The following MPPED2 variants were observed in gnomAD, a reference collection of about 807,000 sequenced individuals.
MPPED2 encodes metallophosphoesterase MPPED2.
MPPED2 carries 5 observed loss-of-function variants against 33.0 expected under a neutral mutation model. The ratio of observed to expected loss-of-function variants is 0.15; its 90% CI spans 0.08 to 0.32. The LOEUF (loss-of-function observed/expected upper bound fraction) is 0.32. Ranked by LOEUF, MPPED2 falls within the 10% of genes least tolerant of loss-of-function variation. The pLI is 1.00. For synonymous variants in MPPED2, 136 were observed against 141.9 expected, an observed-to-expected ratio of 0.96 and a Z score of 0.29; for missense variants, 275 against 372.1, an observed-to-expected ratio of 0.74 and a Z score of 2.15.
intron 6 of MPPED2, among the ~76,000 whole-genome samples, chr11:30,404,388 A>G (rs1305898868): frequency 6.6e-6 from 1 of 152,262 alleles, no homozygotes; most frequent in Non-Finnish European, 1.5e-5. Context: ...CATTTCGTCA[A>G]TGGCATGCCA....
intron 4 of MPPED2, among the ~76,000 whole-genome samples, chr11:30,491,878 G>A (rs1397934450): frequency 6.6e-6 from 1 of 152,148 alleles, no homozygotes; most frequent in Non-Finnish European, 1.5e-5. Context: ...GTCAACCTCT[G>A]TATTCTTGGT....
chr11:30,386,656 C>A (rs1947705694), exon 7 of MPPED2: 1 of 398,366 alleles, frequency 2.5e-6, no homozygotes, highest in Non-Finnish European at 4.4e-6. Flanking sequence ...GAATTTGGAT[C>A]CCAAATAAAT....
rs568966041 is a variant in MPPED2 at position 30,418,423 on chromosome 11, C to A, written c.537-790G>T. ...TGTCCATCCATTGAGCATTTCTGATCGGTGCTGAAAATGTCTCTACCATTT... is the reference window on the plus strand; with the variant it reads ...TGTCCATCCATTGAGCATTTCTGATAGGTGCTGAAAATGTCTCTACCATTT... On this transcript the variant is annotated intron_variant, in intron 4 of 6. Coordinates refer to ENST00000358117, the MANE Select transcript of MPPED2 (RefSeq NM_001584.3). Among the ~76,000 whole-genome samples, 5 of 152,144 alleles carry A rather than the reference C, an allele frequency of 3.3e-5. No individual in the cohort carries two copies. In the East Asian group the frequency reaches 7.7e-4, roughly 23 times the overall value.
intron 2 of MPPED2, among the ~76,000 whole-genome samples, chr11:30,551,142 C>A (rs764479866): frequency 5.9e-5 from 9 of 152,182 alleles, no homozygotes; most frequent in Non-Finnish European, 1.0e-4. Context: ...AGCAGCAGAA[C>A]TGGATCCACA....
chr11:30,495,322 C>T lies in MPPED2; in HGVS notation c.510G>A (p.Lys170=), dbSNP rs762076749. The T allele has an allele frequency of 4.3e-6, 7 of 1,613,704 alleles. No homozygotes were observed. The South Asian group carries it at 5.5e-5, about 13-fold the overall frequency. The change falls in exon 4 of 7, where the codon AAG becomes AAA. Residue 170 remains lysine (K), a synonymous_variant. Transcript: ENST00000358117. ...IYLQDSEVTV[K]GFRIYGAPWT... Reference sequence around the variant, plus strand: ...AAGGTGCACCGTATATCCTGAATCCCTTCACTGTTACCTCCGAATCTTGTA... The same window carrying T: ...AAGGTGCACCGTATATCCTGAATCCTTTCACTGTTACCTCCGAATCTTGTA...
chr11:30,538,027 G>A (rs926434384), intron 2 of MPPED2, among the ~76,000 whole-genome samples: 2 of 151,982 alleles, frequency 1.3e-5, no homozygotes, highest in Non-Finnish European at 2.9e-5. Flanking sequence ...CCCTGCTGGG[G>A]CTGACTGTGT....
chr11:30,564,425 T>A (rs892375983), intron 2 of MPPED2, among the ~76,000 whole-genome samples: 3 of 152,170 alleles, frequency 2.0e-5, no homozygotes, highest in Non-Finnish European at 4.4e-5. Flanking sequence ...CTTAAAGCAG[T>A]TGATTTAACC....
In MPPED2 at chr11:30,445,969, C is replaced by T. The variant is rs147386405; in HGVS notation, c.537-28336G>A. Among the ~76,000 whole-genome samples the T allele has an allele frequency of 3.8e-3, 586 of 152,300 alleles. 5 individuals are homozygous for T. The highest frequency in any genetic ancestry group is 0.013 in the African/African-American group (550 of 41,572). On this transcript the variant is annotated intron_variant, in intron 4 of 6. Coordinates refer to ENST00000358117, the MANE Select transcript of MPPED2 (RefSeq NM_001584.3). Reference sequence around the variant, plus strand: ...AGTCTTTAAGCAACTACTCTCTTCCCTAGTGTCACTATTACCATCTCTAAA... The same window carrying T: ...AGTCTTTAAGCAACTACTCTCTTCCTTAGTGTCACTATTACCATCTCTAAA...
At position 30,586,273 on chromosome 11, in the gene MPPED2, C is replaced by G. The variant is rs999434860; in HGVS notation, c.-353G>C. 6.5e-6 allele frequency: 1 copy of G among 153,146 alleles called. No homozygotes were observed. The highest frequency in any genetic ancestry group is 2.4e-5 in the African/African-American group (1 of 41,438). 9.5% of individuals were successfully genotyped at this position (153,146 alleles called of 1,614,324 possible). A position where few individuals can be genotyped will look rare whatever the true frequency, so the allele number is the denominator to read the frequency against. ...GGGGGAGAAAGGACCCGAGCAGCCT[C>G]GATCTGGGGAGAGAGCGAGCGAGGG... On this transcript the variant is annotated 5_prime_UTR_variant, in exon 1 of 7. Transcript: ENST00000358117. This position sits in a 1 kb window ranked among gnomAD's most constrained non-coding sequence, Gnocchi z 4.8.
intron 4 of MPPED2, among the ~76,000 whole-genome samples, chr11:30,440,707 T>G (rs1028156363): frequency 2.0e-5 from 3 of 152,230 alleles, no homozygotes; most frequent in Non-Finnish European, 4.4e-5. Flanking sequence ...TGCAGTCTAC[T>G]GCTGACACGT....
intron 6 of MPPED2, among the ~76,000 whole-genome samples, chr11:30,400,474 G>A (rs539844399): frequency 2.3e-4 from 35 of 152,308 alleles, no homozygotes; most frequent in African/African-American, 8.2e-4. Flanking sequence ...GGATGATCAA[G>A]GCCCTAGCCA....
exon 7 of MPPED2, chr11:30,388,318 A>G (rs1021920073): frequency 6.6e-6 from 1 of 152,350 alleles, no homozygotes; most frequent in South Asian, 2.1e-4. Context: ...GCCGCACACA[A>G]TTCAGGGGCA....
At chr11:30,491,653 A>T (rs1031402123) in intron 4 of MPPED2, among the ~76,000 whole-genome samples, 1 of 152,256 alleles carries the variant, frequency 6.6e-6, no homozygotes, top group African/African-American at 2.4e-5. Flanking sequence ...AGGCAGGCAG[A>T]TGTTAAGAAA....
At chr11:30,532,182 G>A (rs941805206) in intron 3 of MPPED2, among the ~76,000 whole-genome samples, 2 of 152,186 alleles carry the variant, frequency 1.3e-5, no homozygotes, top group African/African-American at 2.4e-5. Context: ...ATACATGTTA[G>A]TTCACCCACC....
chr11:30,426,571 G>A (rs762381612), intron 4 of MPPED2, among the ~76,000 whole-genome samples: 6 of 152,190 alleles, frequency 3.9e-5, no homozygotes, highest in Non-Finnish European at 8.8e-5. Flanking sequence ...TCATTCAACA[G>A]ACATCACCTG....
chr11:30,419,556 C>T (rs1017943332), intron 4 of MPPED2, among the ~76,000 whole-genome samples: 1 of 152,188 alleles, frequency 6.6e-6, no homozygotes, highest in Non-Finnish European at 1.5e-5. Flanking sequence ...TTGGTGACAA[C>T]ATCTGAGTTT....
chr11:30,485,645 G>A (rs1367506622), intron 4 of MPPED2, among the ~76,000 whole-genome samples: 1 of 152,146 alleles, frequency 6.6e-6, no homozygotes, highest in Admixed American at 6.5e-5. Context: ...TTCCTGCTGG[G>A]GAGGCCCTGC....
At chr11:30,550,776 G>A (rs1345451586) in intron 2 of MPPED2, among the ~76,000 whole-genome samples, 1 of 152,178 alleles carries the variant, frequency 6.6e-6, no homozygotes, top group Non-Finnish European at 1.5e-5. Context: ...TTCATGATGA[G>A]AGGCCAAACA....
At chr11:30,419,276 T>G (rs1248914313) in intron 4 of MPPED2, among the ~76,000 whole-genome samples, 1 of 152,104 alleles carries the variant, frequency 6.6e-6, no homozygotes, top group African/African-American at 2.4e-5. Flanking sequence ...TAAACACAAT[T>G]AATAACTTGG....
Sources: allele counts gnomAD v4.1 joint callset (sites outside exome capture counted in the v4.1 genomes callset), GRCh38; gene constraint gnomAD v4.1.1; non-coding constraint Gnocchi (gnomAD v3.1); transcripts MANE v1.5; gene names NCBI Gene and HGNC (gene_info 2026-07-23, HGNC 2026-07-21).